PDE4D: variants seen among roughly 807,000 people sequenced by gnomAD.
PDE4D encodes 3',5'-cyclic-AMP phosphodiesterase 4D.
A neutral mutation model predicts 87.4 loss-of-function variants in PDE4D; 24 were observed. That is an observed-to-expected ratio of 0.27 (90% CI 0.20 to 0.39). PDE4D has a LOEUF of 0.39. PDE4D is among the 10% of genes least tolerant of loss of function. PDE4D has a pLI of 1.00. For missense variants in PDE4D, 714 were observed against 1,041.0 expected, an observed-to-expected ratio of 0.69 and a Z score of 4.32; for synonymous variants, 384 against 383.2, an observed-to-expected ratio of 1.00 and a Z score of -0.02.
intron 5 of PDE4D, among the ~76,000 whole-genome samples, chr5:59,165,213 T>C (rs1375957714): frequency 6.6e-6 from 1 of 152,212 alleles, no homozygotes; most frequent in Admixed American, 6.6e-5. Flanking sequence ...ATCTTAATAA[T>C]AGTTAACCAG....
intron 1 of PDE4D, among the ~76,000 whole-genome samples, chr5:59,675,801 C>T (rs1336717069): frequency 6.6e-6 from 1 of 152,004 alleles, no homozygotes; most frequent in Non-Finnish European, 1.5e-5. Flanking sequence ...GAGATCCTCC[C>T]ACCTCAGCCT....
intron 1 of PDE4D, among the ~76,000 whole-genome samples, chr5:59,880,370 A>G (rs1372413912): frequency 2.0e-5 from 3 of 152,176 alleles, no homozygotes; most frequent in African/African-American, 7.2e-5. Flanking sequence ...TCGGCCTCCT[A>G]AAGTACGGCG....
intron 1 of PDE4D, among the ~76,000 whole-genome samples, chr5:59,651,051 C>G (rs564701620): frequency 1.6e-4 from 24 of 151,814 alleles, no homozygotes; most frequent in Non-Finnish European, 3.1e-4. Flanking sequence ...GTCAGGAGAT[C>G]GAGACCATCC....
At chr5:60,452,567 T>C (rs1746175991) in intron 1 of PDE4D, among the ~76,000 whole-genome samples, 1 of 152,056 alleles carries the variant, frequency 6.6e-6, no homozygotes, top group South Asian at 2.1e-4. Context: ...CTCAAAGAGT[T>C]TAAAATTTGG....
At chr5:59,683,586 C>G (rs1239961982) in intron 1 of PDE4D, among the ~76,000 whole-genome samples, 1 of 152,090 alleles carries the variant, frequency 6.6e-6, no homozygotes, top group African/African-American at 2.4e-5. Flanking sequence ...GTCTTTATAA[C>G]CACACTGTAC....
intron 2 of PDE4D, among the ~76,000 whole-genome samples, chr5:60,012,885 T>C (rs943235055): frequency 2.0e-5 from 3 of 152,220 alleles, no homozygotes; most frequent in South Asian, 2.1e-4. Flanking sequence ...TTTCCACCTA[T>C]GGCTCAAGAT....
chr5:59,758,469 C>A (rs1761560769), intron 1 of PDE4D, among the ~76,000 whole-genome samples: 1 of 152,156 alleles, frequency 6.6e-6, no homozygotes. Context: ...AGTGCCTCAT[C>A]TGAAATACTT....
rs1331463898 is a variant in PDE4D, at chr5:59,886,028, A to G, written c.455+7140T>C. Reference sequence around the variant, plus strand: ...CTCTGTGTGTTTCAAAGAGATTATTAAGAAAATCAAATATATCCTGTCTGA... The same window carrying G: ...CTCTGTGTGTTTCAAAGAGATTATTGAGAAAATCAAATATATCCTGTCTGA... On this transcript the variant is annotated intron_variant, in intron 1 of 14. Coordinates refer to ENST00000340635, the MANE Select transcript of PDE4D (RefSeq NM_001104631.2). 2.0e-5 allele frequency among the ~76,000 whole-genome samples: 3 copies of G among 152,224 alleles called. No homozygotes were observed. The East Asian group carries it at 5.8e-4, about 29-fold the overall frequency.
intron 1 of PDE4D, among the ~76,000 whole-genome samples, chr5:59,631,202 A>G (rs1343762966): frequency 1.3e-5 from 2 of 152,166 alleles, no homozygotes; most frequent in African/African-American, 4.8e-5. Flanking sequence ...TACAACTGCC[A>G]TCTTCCAGAA....
intron 1 of PDE4D, among the ~76,000 whole-genome samples, chr5:59,243,448 CTTTTTTTTTTTTTT>C (rs767287011): frequency 8.3e-5 from 6 of 72,282 alleles, no homozygotes; most frequent in South Asian, 9.5e-4. Flanking sequence ...TTAAAATAAC[CTTTTTTTTTTTTTT>C]TTTTTTTTTT....
At chr5:60,334,365 G>C (rs901413500) in intron 1 of PDE4D, among the ~76,000 whole-genome samples, 1 of 152,146 alleles carries the variant, frequency 6.6e-6, no homozygotes, top group Non-Finnish European at 1.5e-5. Context: ...AATTTGAGAA[G>C]CTAATAACAT....
intron 5 of PDE4D, among the ~76,000 whole-genome samples, chr5:59,126,035 A>T (rs1775336989): frequency 6.7e-6 from 1 of 150,344 alleles, no homozygotes; most frequent in Admixed American, 6.7e-5. Flanking sequence ...TATACAATCT[A>T]GGCCCTTATT....
At chr5:59,076,934 C>T (rs1049108125) in intron 5 of PDE4D, among the ~76,000 whole-genome samples, 1 of 152,066 alleles carries the variant, frequency 6.6e-6, no homozygotes, top group Non-Finnish European at 1.5e-5. Context: ...CCCAAGCTAC[C>T]GATCCACAAC....
intron 1 of PDE4D, among the ~76,000 whole-genome samples, chr5:60,299,890 G>A (rs1753740955): frequency 1.3e-5 from 2 of 152,136 alleles, no homozygotes; most frequent in Admixed American, 1.3e-4. Flanking sequence ...ATAATAGAAT[G>A]ATTTATATTC....
rs982764063 is a variant in PDE4D, at chr5:59,534,111, T to C, written c.456-318143A>G. 3.9e-5 allele frequency among the ~76,000 whole-genome samples: 6 copies of C among 152,322 alleles called. No homozygotes were observed. In the East Asian group the frequency reaches 7.7e-4, roughly 20 times the overall value. On this transcript the variant is annotated intron_variant, in intron 1 of 14. Transcript: ENST00000340635. ...AATAAACATTGTATATATTAAGAAA[T>C]GCTTTTCACATGTTAATTGAAATCT...
At chr5:60,329,142 T>C (rs1562329197) in intron 1 of PDE4D, among the ~76,000 whole-genome samples, 1 of 152,226 alleles carries the variant, frequency 6.6e-6, no homozygotes, top group African/African-American at 2.4e-5. Flanking sequence ...TTTATCCTAT[T>C]AATGTGGTTT....
chr5:59,460,880 C>T (rs1800675509), intron 1 of PDE4D, among the ~76,000 whole-genome samples: 1 of 152,186 alleles, frequency 6.6e-6, no homozygotes, highest in South Asian at 2.1e-4. Flanking sequence ...GTACAAGTCT[C>T]CTCTCTTCTA....
chr5:59,921,203 A>T (rs1754634710), intron 3 of PDE4D, among the ~76,000 whole-genome samples: 1 of 152,178 alleles, frequency 6.6e-6, no homozygotes. Context: ...AATAATTAAA[A>T]ATTATTATTA....
At chr5:60,108,732 C>G (rs555428250) in intron 2 of PDE4D, among the ~76,000 whole-genome samples, 17 of 152,214 alleles carry the variant, frequency 1.1e-4, no homozygotes, top group African/African-American at 4.1e-4. Context: ...TGATCTTTGA[C>G]AAACCTGAGA....
Sources: gnomAD v4.1 joint callset for allele counts (sites outside exome capture counted in the v4.1 genomes callset) on GRCh38, gnomAD v4.1.1 for gene constraint, MANE v1.5 for transcripts, NCBI Gene and HGNC (gene_info 2026-07-23, HGNC 2026-07-21) for gene names.